LOC400499: variants seen among roughly 807,000 people sequenced by gnomAD.
At chr16:11,504,491 T>C in the LOC400499 span, among the ~76,000 whole-genome samples, 3 of 152,058 alleles carry the variant, frequency 2.0e-5, no homozygotes, top group African/African-American at 7.2e-5. Flanking sequence ...GAGGTGGAGT[T>C]TGCAGTGAGC....
the LOC400499 span, among the ~76,000 whole-genome samples, chr16:11,380,305 C>G: frequency 6.6e-6 from 1 of 151,424 alleles, no homozygotes; most frequent in African/African-American, 2.4e-5. Flanking sequence ...ACTCTCTCAG[C>G]TTTTGTTTAT....
chr16:11,435,713 C>G, the LOC400499 span: 1 of 399,144 alleles, frequency 2.5e-6, no homozygotes, highest in South Asian at 1.3e-4. Context: ...CCTGGGGGCA[C>G]TGAGGACAGC....
At chr16:11,433,504 C>T in the LOC400499 span, among the ~76,000 whole-genome samples, 134 of 152,310 alleles carry the variant, frequency 8.8e-4, 3 homozygotes, top group South Asian at 0.026. Context: ...TATATTTGGT[C>T]TCTGTCCCTA....
the LOC400499 span, among the ~76,000 whole-genome samples, chr16:11,446,142 TGTGAGGTTGG>T: frequency 2.0e-5 from 3 of 150,134 alleles, no homozygotes; most frequent in African/African-American, 7.4e-5. Context: ...CTTTTTTGTG[TGTGAGGTTGG>T]GGGGCGGGGG....
At chr16:11,512,341 G>A in the LOC400499 span, among the ~76,000 whole-genome samples, 2 of 151,984 alleles carry the variant, frequency 1.3e-5, no homozygotes, top group East Asian at 3.9e-4. Context: ...GCTCACGCCT[G>A]TAGTCCCAGC....
At chr16:11,490,395 CG>C in the LOC400499 span, among the ~76,000 whole-genome samples, 2 of 85,920 alleles carry the variant, frequency 2.3e-5, no homozygotes, top group African/African-American at 1.1e-4. Flanking sequence ...GACTCTGTCT[CG>C]AAAAAAAAAA....
the LOC400499 span, among the ~76,000 whole-genome samples, chr16:11,428,267 G>A: frequency 1.3e-5 from 2 of 152,044 alleles, no homozygotes; most frequent in Non-Finnish European, 2.9e-5. Flanking sequence ...CACCTTCCAG[G>A]TTCAAGCGAC....
the LOC400499 span, among the ~76,000 whole-genome samples, chr16:11,391,260 C>G: frequency 0.31 from 46,769 of 151,938 alleles, 7,325 homozygotes; most frequent in African/African-American, 0.34. Context: ...AGTCCTGCCA[C>G]GAGGCTGGTT....
the LOC400499 span, among the ~76,000 whole-genome samples, chr16:11,500,571 G>C: frequency 6.8e-6 from 1 of 147,430 alleles, no homozygotes; most frequent in Non-Finnish European, 1.5e-5. Flanking sequence ...TAAATCACTT[G>C]CCTGGGATCA....
At chr16:11,445,969 T>C in the LOC400499 span, among the ~76,000 whole-genome samples, 26 of 150,540 alleles carry the variant, frequency 1.7e-4, no homozygotes, top group Non-Finnish European at 3.8e-4. Flanking sequence ...GGACTGCAGG[T>C]ACCTACCACC....
the LOC400499 span, chr16:11,476,943 G>A: frequency 2.5e-6 from 1 of 399,120 alleles, no homozygotes; most frequent in Non-Finnish European, 4.4e-6. Context: ...TCTGGAGCAG[G>A]GCACTGAGGG....
chr16:11,426,195 G>C, the LOC400499 span, among the ~76,000 whole-genome samples: 1 of 152,186 alleles, frequency 6.6e-6, no homozygotes, highest in Non-Finnish European at 1.5e-5. Context: ...CAGCACTTTG[G>C]GAGGCTGAGA....
chr16:11,390,732 C>T, the LOC400499 span, among the ~76,000 whole-genome samples: 7 of 152,176 alleles, frequency 4.6e-5, no homozygotes, highest in Non-Finnish European at 8.8e-5. Flanking sequence ...TGATATGAGG[C>T]TCCCTGCATC....
chr16:11,507,294 T>A, the LOC400499 span, among the ~76,000 whole-genome samples: 11 of 152,150 alleles, frequency 7.2e-5, no homozygotes, highest in African/African-American at 2.2e-4. Flanking sequence ...CAGGTGGTGA[T>A]GATGGTGGTA....
At chr16:11,488,741 T>A in the LOC400499 span, 1 of 398,788 alleles carries the variant, frequency 2.5e-6, no homozygotes, top group Non-Finnish European at 4.4e-6. Context: ...ATAGGACGAG[T>A]GTTTCCACAT....
At chr16:11,481,892 C>A in the LOC400499 span, among the ~76,000 whole-genome samples, 246 of 152,278 alleles carry the variant, frequency 1.6e-3, 1 homozygote, top group African/African-American at 5.6e-3. Context: ...ACCTTGGCCT[C>A]CCAAAGTGCT....
At chr16:11,516,190 G>T in the LOC400499 span, 1 of 399,984 alleles carries the variant, frequency 2.5e-6, no homozygotes. Flanking sequence ...CCTGCAGGAG[G>T]CTCAGCACAG....
chr16:11,436,580 G>GA, the LOC400499 span, among the ~76,000 whole-genome samples: 1 of 146,116 alleles, frequency 6.8e-6, no homozygotes, highest in African/African-American at 2.5e-5. Context: ...CACAGGAAAA[G>GA]TTTTTTTTTT....
At chr16:11,481,199 A>C in the LOC400499 span, among the ~76,000 whole-genome samples, 3,533 of 152,288 alleles carry the variant, frequency 0.023, 96 homozygotes, top group East Asian at 0.14. Context: ...GGCTAGGAGG[A>C]GGGGCTGCTG....
Sources: gnomAD v4.1 joint callset for allele counts (sites outside exome capture counted in the v4.1 genomes callset) on GRCh38, gnomAD v4.1.1 for gene constraint, MANE v1.5 for transcripts.